CENPW: variants seen among roughly 807,000 people sequenced by gnomAD.
CENPW encodes the protein centromere protein W.
CENPW carries 3 observed loss-of-function variants against 11.1 expected under a neutral mutation model. The observed-to-expected ratio is 0.27, with a 90% CI of 0.12 to 0.70. The LOEUF is 0.70. CENPW is among the 30% of genes least tolerant of loss of function. The pLI is 0.77. For synonymous variants in CENPW, 38 were observed against 42.0 expected (o/e 0.91, Z 0.37); for missense variants, 100 against 105.6 (o/e 0.95, Z 0.23).
chr6:126,466,488 A>C, the CENPW span, among the ~76,000 whole-genome samples: 7 of 152,110 alleles, frequency 4.6e-5, no homozygotes, highest in Non-Finnish European at 8.8e-5. Flanking sequence ...GTTGAGATTT[A>C]CAGATAAGCA....
At chr6:126,375,756 TC>T in the CENPW span, among the ~76,000 whole-genome samples, 1 of 152,178 alleles carries the variant, frequency 6.6e-6, no homozygotes, top group Non-Finnish European at 1.5e-5. Flanking sequence ...TTTCTGCTTT[TC>T]TTTTTTCTCT....
the CENPW span, among the ~76,000 whole-genome samples, chr6:126,387,921 C>T: frequency 4.6e-5 from 7 of 151,924 alleles, no homozygotes; most frequent in African/African-American, 1.7e-4. Context: ...CTAGCCAGAG[C>T]CCGACTGACT....
the CENPW span, among the ~76,000 whole-genome samples, chr6:126,379,986 C>T: frequency 9.9e-5 from 15 of 152,168 alleles, no homozygotes. Flanking sequence ...GGTTTGGCAG[C>T]TGATAAATTG....
At chr6:126,381,221 AATG>A in the CENPW span, among the ~76,000 whole-genome samples, 1 of 152,110 alleles carries the variant, frequency 6.6e-6, no homozygotes, top group Non-Finnish European at 1.5e-5. Flanking sequence ...GTTTTTGTCT[AATG>A]ATGATATTTA....
At chr6:126,356,627 T>C in the CENPW span, among the ~76,000 whole-genome samples, 1 of 152,176 alleles carries the variant, frequency 6.6e-6, no homozygotes, top group Non-Finnish European at 1.5e-5. Flanking sequence ...ATAATAGTTA[T>C]TCTGATTGGT....
chr6:126,346,807 G>A (rs535603608), intron 2 of CENPW, among the ~76,000 whole-genome samples: 1 of 152,248 alleles, frequency 6.6e-6, no homozygotes, highest in South Asian at 2.1e-4. Context: ...TACAATGTGA[G>A]GTGAGATTTG....
chr6:126,352,123 A>C (rs968225952), downstream of CENPW, among the ~76,000 whole-genome samples: 1 of 152,152 alleles, frequency 6.6e-6, no homozygotes, highest in Non-Finnish European at 1.5e-5. Context: ...TCTAGATCAC[A>C]GGTTGGCAAT....
At chr6:126,365,613 A>G in the CENPW span, among the ~76,000 whole-genome samples, 2 of 152,208 alleles carry the variant, frequency 1.3e-5, no homozygotes, top group Admixed American at 1.3e-4. Context: ...ACAATTTGAC[A>G]TAAGATTTGG....
At chr6:126,398,062 T>G in the CENPW span, among the ~76,000 whole-genome samples, 1 of 152,172 alleles carries the variant, frequency 6.6e-6, no homozygotes, top group Non-Finnish European at 1.5e-5. Flanking sequence ...GCATTCCAGT[T>G]TTTCTCAGAC....
At chr6:126,359,021 A>T in the CENPW span, among the ~76,000 whole-genome samples, 2 of 151,162 alleles carry the variant, frequency 1.3e-5, no homozygotes, top group Non-Finnish European at 2.9e-5. Flanking sequence ...GCAAAGTTAG[A>T]TAGTTAATCT....
chr6:126,479,845 A>G, the CENPW span, among the ~76,000 whole-genome samples: 6 of 152,020 alleles, frequency 3.9e-5, no homozygotes, highest in African/African-American at 1.4e-4. Flanking sequence ...TTTAAGAGGT[A>G]TCTTGCAGAT....
chr6:126,379,695 G>A, the CENPW span, among the ~76,000 whole-genome samples: 36 of 152,210 alleles, frequency 2.4e-4, no homozygotes, highest in African/African-American at 7.5e-4. Flanking sequence ...CACTATTTAC[G>A]TATAACTGGT....
At chr6:126,440,219 A>G in the CENPW span, among the ~76,000 whole-genome samples, 2 of 151,622 alleles carry the variant, frequency 1.3e-5, no homozygotes, top group Non-Finnish European at 3.0e-5. Flanking sequence ...GAATAAATAT[A>G]GTTTGTTTCC....
chr6:126,437,815 T>C, the CENPW span, among the ~76,000 whole-genome samples: 1 of 151,794 alleles, frequency 6.6e-6, no homozygotes, highest in East Asian at 1.9e-4. Context: ...CGGTTTATAA[T>C]GCTAATATTT....
the CENPW span, among the ~76,000 whole-genome samples, chr6:126,401,356 T>A: frequency 6.6e-6 from 1 of 152,002 alleles, no homozygotes; most frequent in African/African-American, 2.4e-5. Flanking sequence ...AGAGGGTGTC[T>A]CTCTAGCCTC....
Position 126,348,505 on chromosome 6 carries a change from A to G in CENPW, c.*13A>G, listed in dbSNP as rs775696071. 1.2e-5 allele frequency: 18 copies of G among 1,441,450 alleles called. 1 individual carries two copies. In the South Asian group the frequency reaches 1.7e-4, roughly 14 times the overall value. The allele number at this position is 1,441,450 out of a possible 1,614,324, so 89.3% of individuals were successfully genotyped here. On this transcript the variant is annotated 3_prime_UTR_variant, in exon 3 of 3. Transcript: ENST00000368328. ...GAGCAGAGGTTAGAAGTCAAAGAAC[A>G]TATTCTTGAAAGTTATGATGCATTC... is the stretch of plus-strand genomic sequence containing the variant.
At chr6:126,460,000 T>C in the CENPW span, among the ~76,000 whole-genome samples, 1 of 151,586 alleles carries the variant, frequency 6.6e-6, no homozygotes, top group Non-Finnish European at 1.5e-5. Context: ...TCTATTCTTA[T>C]GGGTAATTTT....
chr6:126,388,951 G>A, the CENPW span, among the ~76,000 whole-genome samples: 1 of 151,810 alleles, frequency 6.6e-6, no homozygotes, highest in Admixed American at 6.6e-5. Context: ...GAAAAAGCAA[G>A]CATTCAAAGG....
chr6:126,361,763 G>A, the CENPW span, among the ~76,000 whole-genome samples: 1 of 152,052 alleles, frequency 6.6e-6, no homozygotes. Flanking sequence ...TAGAGGCCAG[G>A]ACAGGGAGAT....
Sources: gnomAD v4.1 joint callset for allele counts (sites outside exome capture counted in the v4.1 genomes callset) on GRCh38, gnomAD v4.1.1 for gene constraint, MANE v1.5 for transcripts, NCBI Gene and HGNC (gene_info 2026-07-23, HGNC 2026-07-21) for gene names.